Variants in TGFA observed in about 807,000 individuals in gnomAD.
TGFA encodes protransforming growth factor alpha.
A neutral mutation model predicts 21.7 loss-of-function variants in TGFA; 12 were observed. That is an observed-to-expected ratio of 0.55 (90% CI 0.35 to 0.90). The LOEUF (loss-of-function observed/expected upper bound fraction) is 0.90. TGFA is among the 40% of genes least tolerant of loss of function. The pLI, the probability that TGFA is intolerant of heterozygous loss-of-function variation, is 0.01. For synonymous variants in TGFA, 79 were observed against 88.1 expected (o/e 0.90, Z 0.58); for missense variants, 178 against 210.8 (o/e 0.84, Z 0.96).
intron 3 of TGFA, among the ~76,000 whole-genome samples, chr2:70,460,684 G>A (rs1670380291): frequency 2.0e-5 from 3 of 152,172 alleles, no homozygotes; most frequent in Non-Finnish European, 4.4e-5. Flanking sequence ...TCTGGGGGCT[G>A]GTGGGGAGAG....
chr2:70,538,894 C>T (rs1403537053), intron 1 of TGFA, among the ~76,000 whole-genome samples: 1 of 152,142 alleles, frequency 6.6e-6, no homozygotes, highest in Non-Finnish European at 1.5e-5. Context: ...TCACATGCCA[C>T]AGAGAAATCT....
chr2:70,476,987 AT>A (rs369179982), intron 2 of TGFA, among the ~76,000 whole-genome samples: 2,892 of 151,912 alleles, frequency 0.019, 41 homozygotes, highest in South Asian at 0.062. Context: ...ATACGCAATT[AT>A]TTTTTTTTAT....
intron 2 of TGFA, among the ~76,000 whole-genome samples, chr2:70,491,003 C>T (rs1021520782): frequency 6.6e-6 from 1 of 152,132 alleles, no homozygotes; most frequent in African/African-American, 2.4e-5. Context: ...TAGGATATCA[C>T]GATATTCGGT....
intron 1 of TGFA, among the ~76,000 whole-genome samples, chr2:70,521,940 T>C (rs1672485224): frequency 6.6e-6 from 1 of 152,306 alleles, no homozygotes; most frequent in East Asian, 1.9e-4. Flanking sequence ...CACATCATGC[T>C]GATCTCTCAA....
At chr2:70,531,489 A>T (rs975706328) in intron 1 of TGFA, among the ~76,000 whole-genome samples, 1 of 152,244 alleles carries the variant, frequency 6.6e-6, no homozygotes, top group Non-Finnish European at 1.5e-5. Context: ...CCTTCAACTA[A>T]TTCTTAGAAA....
At chr2:70,529,815 C>A (rs782374571) in intron 1 of TGFA, among the ~76,000 whole-genome samples, 1 of 152,136 alleles carries the variant, frequency 6.6e-6, no homozygotes, top group African/African-American at 2.4e-5. Context: ...ACAGAAGAGG[C>A]CTTAAGGAGG....
chr2:70,494,635 C>A (rs1223488901), intron 2 of TGFA, among the ~76,000 whole-genome samples: 1 of 152,302 alleles, frequency 6.6e-6, no homozygotes, highest in South Asian at 2.1e-4. Flanking sequence ...AAGTCTCCGA[C>A]CTTATCTGCT....
intron 2 of TGFA, among the ~76,000 whole-genome samples, chr2:70,512,392 CG>C (rs1374425935): frequency 2.9e-4 from 44 of 152,284 alleles, no homozygotes; most frequent in African/African-American, 1.1e-3. Flanking sequence ...GCAGCCAACC[CG>C]GGGGGCTTGA....
chr2:70,534,369 T>C (rs1303681034), intron 1 of TGFA, among the ~76,000 whole-genome samples: 1 of 152,028 alleles, frequency 6.6e-6, no homozygotes, highest in African/African-American at 2.4e-5. Context: ...CCTTCTGCCA[T>C]TGTTTGGGGG....
intron 2 of TGFA, among the ~76,000 whole-genome samples, chr2:70,504,433 AATATATATATATATATATATAT>A (rs200901290): frequency 3.2e-5 from 2 of 62,444 alleles, no homozygotes; most frequent in African/African-American, 1.2e-4. Context: ...AAACAAAACA[AATATATATATATATATATATAT>A]ATATATATAC....
At position 70,448,315 on chromosome 2, in the gene TGFA, G is replaced by A. The variant is rs1366893065; in HGVS notation, c.*2544C>T. 6.6e-6 allele frequency: 1 copy of A among 152,118 alleles called. No homozygotes were observed. The highest frequency in any genetic ancestry group is 2.4e-5 in the African/African-American group (1 of 41,432). 9.4% of individuals were successfully genotyped at this position (152,118 alleles called of 1,614,324 possible). A position where few individuals can be genotyped will look rare whatever the true frequency, so the allele number is the denominator to read the frequency against. ...GAGTATTGGAGGCCTTTTAAAAAAT[G>A]TTTGTTATTTTTTTAAATGGGGGCT... On this transcript the variant is annotated 3_prime_UTR_variant, in exon 6 of 6. Transcript: ENST00000295400.
At chr2:70,486,764 T>A (rs1671283001) in intron 2 of TGFA, among the ~76,000 whole-genome samples, 1 of 152,084 alleles carries the variant, frequency 6.6e-6, no homozygotes, top group Non-Finnish European at 1.5e-5. Flanking sequence ...GCCTGCCTAT[T>A]TCTTGGTGTT....
chr2:70,510,709 A>G (rs889259815), intron 2 of TGFA, among the ~76,000 whole-genome samples: 6 of 152,194 alleles, frequency 3.9e-5, no homozygotes, highest in African/African-American at 1.4e-4. Context: ...CCAGTTTCCT[A>G]TGACGCTGGC....
At chr2:70,509,059 T>C (rs1410759164) in intron 2 of TGFA, among the ~76,000 whole-genome samples, 1 of 152,214 alleles carries the variant, frequency 6.6e-6, no homozygotes, top group Non-Finnish European at 1.5e-5. Flanking sequence ...AATGCTCTTC[T>C]AAGCATTCTT....
chr2:70,474,702 G>A (rs1355259458), intron 2 of TGFA, among the ~76,000 whole-genome samples: 2 of 152,164 alleles, frequency 1.3e-5, no homozygotes, highest in Non-Finnish European at 2.9e-5. Context: ...GGAACCTCTG[G>A]GCTACACAGT....
chr2:70,469,619 G>A (rs527328130), intron 2 of TGFA, among the ~76,000 whole-genome samples: 1 of 152,180 alleles, frequency 6.6e-6, no homozygotes, highest in Non-Finnish European at 1.5e-5. Flanking sequence ...TTATAGGTGC[G>A]AGCCGCCACG....
rs1670225944 is a variant in TGFA, at chr2:70,456,322, G to C, written c.365+17C>G. 1.9e-6 allele frequency: 3 copies of C among 1,540,546 alleles called. No individual in the cohort carries two copies. The East Asian group carries it at 7.4e-5, about 38-fold the overall frequency. Reference sequence around the variant, plus strand: ...AGGTGGGCAGGGGACCTGGCCTTAGGGGCAGCAAGTACTCACTGTATCAGC... The same window carrying C: ...AGGTGGGCAGGGGACCTGGCCTTAGCGGCAGCAAGTACTCACTGTATCAGC... On this transcript the variant is annotated intron_variant, in intron 4 of 5. Transcript: ENST00000295400.
rs1671927898 is a variant in TGFA, at chr2:70,506,408, T to C, written c.94+8451A>G. 2.6e-5 allele frequency among the ~76,000 whole-genome samples: 4 copies of C among 152,224 alleles called. No homozygotes were observed. The South Asian group carries it at 8.3e-4, about 32-fold the overall frequency. On this transcript the variant is annotated intron_variant, in intron 2 of 5. Transcript: ENST00000295400. ...TCCAACTGTAATAAAATGTGGTTGATGACTAAAAATGCAGATTTCTGGATC... is the reference window on the plus strand; with the variant it reads ...TCCAACTGTAATAAAATGTGGTTGACGACTAAAAATGCAGATTTCTGGATC...
At chr2:70,463,535 T>C (rs1670464257) in intron 3 of TGFA, among the ~76,000 whole-genome samples, 1 of 152,104 alleles carries the variant, frequency 6.6e-6, no homozygotes, top group South Asian at 2.1e-4. Flanking sequence ...CTGCCAGCTC[T>C]TGGAAAATTT....
Sources: gnomAD v4.1 joint callset for allele counts (sites outside exome capture counted in the v4.1 genomes callset) on GRCh38, gnomAD v4.1.1 for gene constraint, MANE v1.5 for transcripts, NCBI Gene and HGNC (gene_info 2026-07-23, HGNC 2026-07-21) for gene names.